Variants in STK39 observed in about 807,000 individuals in gnomAD.
The protein encoded by STK39 is serine/threonine kinase 39.
Under a neutral mutation model 77.8 loss-of-function variants are expected in STK39, and 20 were observed. The ratio of observed to expected loss-of-function variants is 0.26; its 90% CI spans 0.18 to 0.37. STK39 has a LOEUF of 0.37. STK39 is among the 10% of genes least tolerant of loss of function. STK39 has a pLI of 1.00. For missense variants in STK39, 479 were observed against 656.5 expected (o/e 0.73, Z 2.95); for synonymous variants, 246 against 234.1 (o/e 1.05, Z -0.47).
At chr2:168,078,140 A>T (rs1686127497) in intron 10 of STK39, among the ~76,000 whole-genome samples, 1 of 152,242 alleles carries the variant, frequency 6.6e-6, no homozygotes, top group African/African-American at 2.4e-5. Flanking sequence ...AGTTTAAGTG[A>T]TACCTAAAGG....
chr2:168,052,343 G>C lies in STK39; in HGVS notation c.1376+11157C>G, dbSNP rs572734773. ...ATGAATCTTTTCATGTCTTTATATA[G>C]ATAAGCATGCAGAGAAAATATCTTT... On this transcript the variant is annotated intron_variant, in intron 14 of 17. Coordinates refer to ENST00000355999, the MANE Select transcript of STK39 (RefSeq NM_013233.3). Among the ~76,000 whole-genome samples the C allele has an allele frequency of 4.6e-5, 7 of 152,206 alleles. No homozygotes were observed. In the South Asian group the frequency reaches 1.5e-3, roughly 32 times the overall value.
intron 1 of STK39, among the ~76,000 whole-genome samples, chr2:168,218,895 T>G (rs1690092214): frequency 6.6e-6 from 1 of 152,180 alleles, no homozygotes; most frequent in South Asian, 2.1e-4. Flanking sequence ...CCGTGTTAAA[T>G]CTTACTACAT....
At chr2:167,976,598 T>G (rs571378312) in intron 16 of STK39, among the ~76,000 whole-genome samples, 1 of 151,752 alleles carries the variant, frequency 6.6e-6, no homozygotes, top group South Asian at 2.1e-4. Context: ...GATTTTCAGG[T>G]TTTTTGCATG....
rs1465080305 is a variant in STK39 at position 168,152,804 on chromosome 2, C to T, written c.628+8983G>A. On this transcript the variant is annotated intron_variant, in intron 5 of 17. Coordinates refer to ENST00000355999, the MANE Select transcript of STK39 (RefSeq NM_013233.3). ...GCGAGGGCTCCTGGCCGGCCATATC[C>T]GCAGAGACAGGCATGAACAACTTAG... is the stretch of plus-strand genomic sequence containing the variant. Among the ~76,000 whole-genome samples the T allele has an allele frequency of 2.6e-5, 4 of 152,274 alleles. No individual in the cohort carries two copies. In the East Asian group the frequency reaches 5.8e-4, roughly 22 times the overall value.
Position 168,116,319 on chromosome 2 carries a change from T to C in STK39, c.1089+13222A>G, listed in dbSNP as rs189033982. On this transcript the variant is annotated intron_variant, in intron 10 of 17. Coordinates refer to ENST00000355999, the MANE Select transcript of STK39 (RefSeq NM_013233.3). ...TGTACAAGGGCGCCTTAATTTTGTATATGTCTATATGTGAAGAACAAAATT... is the reference window on the plus strand; with the variant it reads ...TGTACAAGGGCGCCTTAATTTTGTACATGTCTATATGTGAAGAACAAAATT... Among the ~76,000 whole-genome samples, 370 of 152,322 alleles carry C rather than the reference T, an allele frequency of 2.4e-3. 2 individuals are homozygous for C. The highest frequency in any genetic ancestry group is 8.2e-3 in the African/African-American group (343 of 41,588).
chr2:168,194,033 G>T (rs1246778163), intron 1 of STK39, among the ~76,000 whole-genome samples: 2 of 152,142 alleles, frequency 1.3e-5, no homozygotes, highest in African/African-American at 4.8e-5. Context: ...GCCTGGGAAG[G>T]GTCTCGCCCG....
chr2:168,046,596 C>T (rs1316062789), intron 14 of STK39, among the ~76,000 whole-genome samples: 2 of 152,182 alleles, frequency 1.3e-5, no homozygotes, highest in Non-Finnish European at 2.9e-5. Flanking sequence ...GGAAGCAGAG[C>T]TGGCCTATAT....
intron 2 of STK39, 129 bp downstream of exon 2, chr2:168,181,849 G>T: frequency 1.5e-6 from 1 of 688,512 alleles, no homozygotes; most frequent in Non-Finnish European, 2.5e-6. Flanking sequence ...GCAGGAAGTG[G>T]TAGGGGCTGC....
intron 10 of STK39, among the ~76,000 whole-genome samples, chr2:168,076,328 T>C (rs1481497486): frequency 1.3e-5 from 2 of 152,174 alleles, no homozygotes; most frequent in African/African-American, 2.4e-5. Flanking sequence ...CACTGAACGA[T>C]AACCACCAGC....
At chr2:168,087,171 G>A (rs1574454360) in intron 10 of STK39, among the ~76,000 whole-genome samples, 1 of 152,204 alleles carries the variant, frequency 6.6e-6, no homozygotes, top group Non-Finnish European at 1.5e-5. Flanking sequence ...GAGCAGAGTC[G>A]AGGTTGCTTA....
intron 10 of STK39, among the ~76,000 whole-genome samples, chr2:168,094,753 G>A (rs1686616892): frequency 6.6e-6 from 1 of 151,992 alleles, no homozygotes; most frequent in Non-Finnish European, 1.5e-5. Context: ...TGTCCTCTGT[G>A]GCAATCTTAT....
chr2:168,130,373 A>C (rs774831626), intron 8 of STK39, among the ~76,000 whole-genome samples: 2 of 152,222 alleles, frequency 1.3e-5, no homozygotes, highest in African/African-American at 4.8e-5. Flanking sequence ...TCTCTAGCCC[A>C]TATTTCCTGT....
intron 14 of STK39, among the ~76,000 whole-genome samples, chr2:168,030,001 G>A (rs901043143): frequency 2.0e-5 from 3 of 152,164 alleles, no homozygotes; most frequent in Non-Finnish European, 2.9e-5. Context: ...AGCACTTTGG[G>A]AGGCCGAGGT....
intron 1 of STK39, among the ~76,000 whole-genome samples, chr2:168,195,996 T>C (rs987595622): frequency 6.6e-6 from 1 of 152,174 alleles, no homozygotes; most frequent in African/African-American, 2.4e-5. Context: ...CAGCCTGGGC[T>C]ACAAGAGCAA....
rs1275574795 is a variant in STK39, at chr2:168,046,704, G to A, written c.1376+16796C>T. Among the ~76,000 whole-genome samples the A allele has an allele frequency of 9.9e-5, 15 of 152,208 alleles. 1 individual carries two copies. Among genetic ancestry groups the A allele is most frequent in the Admixed American group, 9.8e-4 (15 of 15,292 alleles). On this transcript the variant is annotated intron_variant, in intron 14 of 17. Transcript: ENST00000355999. ...AGCCAGTTAGTTTTAGAGAAGCAGT[G>A]GCAACCAAGAGGAAAAAGCAACCCA... is the stretch of plus-strand genomic sequence containing the variant.
intron 14 of STK39, among the ~76,000 whole-genome samples, chr2:168,021,009 T>C (rs1285338758): frequency 6.6e-6 from 1 of 152,140 alleles, no homozygotes; most frequent in Non-Finnish European, 1.5e-5. Context: ...AGTAGTCCAA[T>C]AACAAAACAA....
intron 8 of STK39, among the ~76,000 whole-genome samples, chr2:168,136,709 G>C (rs1381575984): frequency 1.3e-5 from 2 of 152,162 alleles, no homozygotes; most frequent in East Asian, 3.8e-4. Flanking sequence ...AATTTTACTG[G>C]AGATGACACC....
In STK39 at chr2:168,182,000, T is replaced by C. The variant is rs201221907; in HGVS notation, c.299A>G (p.Gln100Arg). ...TACTAATAGTTCATCCATACTGGTC[T>C]GGCATTTTTCCAAGTTGATCCGTTT... ...AIKRINLEKC[Q>R]TSMDELLKEI... The change falls in exon 2 of 18, where the codon CAG (glutamine) becomes CGG (arginine). Residue 100 changes from glutamine to arginine, a missense_variant. By Grantham distance (43) the Gln-to-Arg change is conservative. This residue lies in a region of STK39 where 139 missense variants were observed against 280.6 expected (regional missense o/e 0.50). Coordinates refer to ENST00000355999, the MANE Select transcript of STK39 (RefSeq NM_013233.3). 3 of 1,613,872 alleles carry C rather than the reference T, an allele frequency of 1.9e-6. No individual in the cohort carries two copies. The highest frequency in any genetic ancestry group is 2.5e-6 in the Non-Finnish European group (3 of 1,179,882).
intron 5 of STK39, among the ~76,000 whole-genome samples, chr2:168,161,164 G>C (rs186510331): frequency 1.3e-5 from 2 of 152,236 alleles, no homozygotes; most frequent in African/African-American, 4.8e-5. Context: ...CATGGGTAAA[G>C]CAAGAGTTAA....
Sources: gnomAD v4.1 joint callset for allele counts (sites outside exome capture counted in the v4.1 genomes callset) on GRCh38, gnomAD v4.1.1 for gene constraint, gnomAD v4.1.1 regional missense constraint, MANE v1.5 for transcripts, NCBI Gene and HGNC (gene_info 2026-07-23, HGNC 2026-07-21) for gene names.